The following MROH6 variants were observed in gnomAD, a reference collection of about 807,000 sequenced individuals.
MROH6 encodes maestro heat-like repeat-containing protein family member 6.
In MROH6, 62 loss-of-function variants were observed where a neutral mutation model predicts 67.7. The ratio of observed to expected loss-of-function variants is 0.92; its 90% CI spans 0.75 to 1.13. The LOEUF (loss-of-function observed/expected upper bound fraction) is 1.13, where lower values mean the gene tolerates loss of function less well. Among genes scored for constraint, MROH6 ranks in the 50% most tolerant of loss-of-function variants. The pLI, the probability that MROH6 is intolerant of heterozygous loss-of-function variation, is 0.00. For synonymous variants in MROH6, 566 were observed against 470.8 expected, an observed-to-expected ratio of 1.20 and a Z score of -2.62; for missense variants, 1,175 against 1,029.1, an observed-to-expected ratio of 1.14 and a Z score of -1.94.
Position 143,572,104 on chromosome 8 carries a change from C to A in MROH6, c.376G>T (p.Ala126Ser). Residue 126 changes from alanine (A) to serine (S), a missense_variant, in exon 2 of 14, where the codon GCA becomes TCA. Physicochemically the swap from Ala to Ser is moderately conservative, Grantham distance 99. Coordinates refer to ENST00000398882, the MANE Select transcript of MROH6 (RefSeq NM_001100878.2). ...GTGAGCACTGTCGCCTGGGTCCCTG[C>A]AAAGCCAGCCTCCTCCAGGCAGGCA... ...TAACLEEAGF[A>S]GTQATVLTLS... is the part of the protein sequence containing the mutation. The A allele has an allele frequency of 6.2e-7, 1 of 1,612,984 alleles. No individual in the cohort carries two copies. Among genetic ancestry groups the A allele is most frequent in the Non-Finnish European group, 8.5e-7 (1 of 1,179,846 alleles).
rs962403673 is a variant in MROH6 at position 143,567,202 on chromosome 8, G to A, written c.*37C>T. 3.4e-6 allele frequency: 4 copies of A among 1,169,240 alleles called. No homozygotes were observed. The highest frequency in any genetic ancestry group is 4.3e-5 in the South Asian group (1 of 23,176). 72.4% of individuals were successfully genotyped at this position (1,169,240 alleles called of 1,614,324 possible). A position where few individuals can be genotyped will look rare whatever the true frequency, so the allele number is the denominator to read the frequency against. ...AGGCTGCTATGCGCGTGGGGTGCCC[G>A]AGTCGGACCCTGGCCCTCGGGCCCC... On this transcript the variant is annotated 3_prime_UTR_variant, in exon 14 of 14. Transcript: ENST00000398882.
At position 143,570,469 on chromosome 8, in the gene MROH6, T is replaced by C. The variant is rs753370758; in HGVS notation, c.905+4A>G. ...GCCCCACGTAACCTGGTGTTGCCTC[T>C]CACCTGGCATGGCTATGTGGTGGCC... On this transcript the variant is annotated splice_donor_region_variant and intron_variant, in intron 5 of 13. Transcript: ENST00000398882. 7.5e-6 allele frequency: 12 copies of C among 1,610,088 alleles called. No homozygotes were observed. The highest frequency in any genetic ancestry group is 1.0e-5 in the Non-Finnish European group (12 of 1,177,640).
intron 10 of MROH6, 112 bp from the exon 11 acceptor site, chr8:143,568,373 A>G: frequency 6.8e-7 from 1 of 1,463,700 alleles, no homozygotes; most frequent in Non-Finnish European, 9.1e-7. Flanking sequence ...AGCCCAGGGC[A>G]GGAGACTGGA....
At position 143,566,443 on chromosome 8, in the gene MROH6, G is replaced by C. The variant is rs1486524455; in HGVS notation, c.*796C>G. 6.6e-6 allele frequency: 1 copy of C among 152,278 alleles called. No individual in the cohort carries two copies. Among genetic ancestry groups the C allele is most frequent in the East Asian group, 1.9e-4 (1 of 5,198 alleles). 9.4% of individuals were successfully genotyped at this position (152,278 alleles called of 1,614,324 possible). A position where few individuals can be genotyped will look rare whatever the true frequency, so the allele number is the denominator to read the frequency against. On this transcript the variant is annotated 3_prime_UTR_variant, in exon 14 of 14. Transcript: ENST00000398882. The stretch of plus-strand genomic sequence containing the variant: ...GGGACCTGCCGCCCAAAGCCAGAGA[G>C]GTGAGGTCACAGCATCAGTAGCTCC...
At position 143,569,729 on chromosome 8, in the gene MROH6, C is replaced by T. The variant is rs1171823803; in HGVS notation, c.1270G>A (p.Gly424Ser). The T allele has an allele frequency of 1.9e-6, 3 of 1,613,072 alleles. No individual in the cohort carries two copies. The highest frequency in any genetic ancestry group is 2.2e-5 in the South Asian group (2 of 91,088). Residue 424 changes from glycine (G) to serine (S), a missense_variant, in exon 8 of 14, where the codon GGC becomes AGC. Physicochemically the swap from Gly to Ser is moderately conservative, Grantham distance 56. Coordinates refer to ENST00000398882, the MANE Select transcript of MROH6 (RefSeq NM_001100878.2). Reference sequence around the variant, plus strand: ...CGATTCAGCGCGAGGTGGCCCAGGCCCAGCAGGCCCAACCAGCGCACAGTG... The same window carrying T: ...CGATTCAGCGCGAGGTGGCCCAGGCTCAGCAGGCCCAACCAGCGCACAGTG... ...EPTVRWLGLL[G>S]LGHLALNRRK...
chr8:143,567,413 G>T lies in MROH6; in HGVS notation c.1986C>A (p.His662Gln). 1.5e-6 allele frequency: 2 copies of T among 1,312,490 alleles called. No homozygotes were observed. Among genetic ancestry groups the T allele is most frequent in the South Asian group, 2.1e-5 (1 of 47,362 alleles). The allele number at this position is 1,312,490 out of a possible 1,614,324, so 81.3% of individuals were successfully genotyped here. ...DPKPAVAAAA[H>Q]VSAQQVAMLA... is the part of the protein sequence containing the mutation. ...GCATCGCCACCTGCTGAGCGGACAC[G>T]TGCGCTGCCGCGGCCACAGCCGGCT... The change falls in exon 14 of 14, where the codon CAC (histidine) becomes CAA (glutamine). Residue 662 changes from histidine (H) to glutamine (Q), a missense_variant. Physicochemically the swap from His to Gln is conservative, Grantham distance 24. Coordinates refer to ENST00000398882, the MANE Select transcript of MROH6 (RefSeq NM_001100878.2).
chr8:143,569,768 C>T lies in MROH6; in HGVS notation c.1231G>A (p.Gly411Arg). ...VILERLLTWQ[G>R]DPEPTVRWLG... ...CAGCGCACAGTGGGTTCGGGGTCTCCCTGCCAGGTGAGGAGTCGCTCCAGG... is the reference window on the plus strand; with the variant it reads ...CAGCGCACAGTGGGTTCGGGGTCTCTCTGCCAGGTGAGGAGTCGCTCCAGG... The change falls in exon 8 of 14, where the codon GGA (glycine) becomes AGA (arginine). Residue 411 changes from glycine to arginine, a missense_variant. Coordinates refer to ENST00000398882, the MANE Select transcript of MROH6 (RefSeq NM_001100878.2). The T allele has an allele frequency of 6.2e-7, 1 of 1,612,984 alleles. No homozygotes were observed. Among genetic ancestry groups the T allele is most frequent in the East Asian group, 2.2e-5 (1 of 44,870 alleles).
At position 143,572,116 on chromosome 8, in the gene MROH6, C is replaced by T. The variant is rs1824086023; in HGVS notation, c.364G>A (p.Glu122Lys). The T allele has an allele frequency of 1.2e-6, 2 of 1,612,926 alleles. No homozygotes were observed. Among genetic ancestry groups the T allele is most frequent in the Admixed American group, 1.7e-5 (1 of 59,994 alleles). ...LALYTAACLE[E>K]AGFAGTQATV... is the part of the protein sequence containing the mutation. ...GCCTGGGTCCCTGCAAAGCCAGCCTCCTCCAGGCAGGCAGCCGTGTACAAC... is the reference window on the plus strand; with the variant it reads ...GCCTGGGTCCCTGCAAAGCCAGCCTTCTCCAGGCAGGCAGCCGTGTACAAC... Residue 122 changes from glutamate (E) to lysine (K), a missense_variant, in exon 2 of 14, where the codon GAG becomes AAG. Coordinates refer to ENST00000398882, the MANE Select transcript of MROH6 (RefSeq NM_001100878.2).
chr8:143,569,314 G>GGGGCGGGGCCTGAGA (rs1229998306), intron 9 of MROH6, 127 bp downstream of exon 9: 5 of 576,728 alleles, frequency 8.7e-6, no homozygotes, highest in South Asian at 2.5e-5. Flanking sequence ...CTGGAAGGGC[G>GGGGCGGGGCCTGAGA]GGGCGGGGCC....
Position 143,570,007 on chromosome 8 carries a change from G to C in MROH6, c.1102C>G (p.Arg368Gly). 6.2e-7 allele frequency: 1 copy of C among 1,609,876 alleles called. No homozygotes were observed. Among genetic ancestry groups the C allele is most frequent in the Non-Finnish European group, 8.5e-7 (1 of 1,179,828 alleles). Residue 368 changes from arginine to glycine, a missense_variant, in exon 7 of 14, where the codon CGG becomes GGG. Physicochemically the swap from Arg to Gly is moderately radical, Grantham distance 125. Transcript: ENST00000398882. ...LRGLFADLLP[R>G]LRSADDPQRL... is the part of the protein sequence containing the mutation. ...TGCGGGTCGTCCGCGCTGCGAAGCC[G>C]AGGGAGCAAGTCTGCGAAGAGGCCT...
At position 143,568,277 on chromosome 8, in the gene MROH6, T is replaced by G; in HGVS notation, c.1645-16A>C. On this transcript the variant is annotated splice_polypyrimidine_tract_variant and intron_variant, in intron 10 of 13. Transcript: ENST00000398882. ...ACTCTGAGCTCTGGGATAGGGGAAG[T>G]GAGCCGGGTCAGGGGTCCAGGAAGT... 1 of 1,598,544 alleles carries G rather than the reference T, an allele frequency of 6.3e-7. No individual in the cohort carries two copies. The highest frequency in any genetic ancestry group is 8.5e-7 in the Non-Finnish European group (1 of 1,172,984).
intron 4 of MROH6, 24 bp downstream of exon 4, chr8:143,570,853 C>CCCCGGG: frequency 6.8e-7 from 1 of 1,479,330 alleles, no homozygotes; most frequent in Non-Finnish European, 9.1e-7. Flanking sequence ...CCCCCACCCC[C>CCCCGGG]TGGTAATGGC....
chr8:143,570,400 G>A lies in MROH6; in HGVS notation c.906-20C>T, dbSNP rs1462693783. The A allele has an allele frequency of 2.5e-6, 4 of 1,601,898 alleles. No individual in the cohort carries two copies. The highest frequency in any genetic ancestry group is 2.2e-5 in the South Asian group (2 of 90,114). Reference sequence around the variant, plus strand: ...GCACAGCTGGTGGTGGGGACAGTGAGCAGGTGGGCAGTGGGAGCTGAGAGG... The same window carrying A: ...GCACAGCTGGTGGTGGGGACAGTGAACAGGTGGGCAGTGGGAGCTGAGAGG... On this transcript the variant is annotated intron_variant, in intron 5 of 13. Transcript: ENST00000398882.
Position 143,567,671 on chromosome 8 carries a change from G to A in MROH6, c.1873C>T (p.Leu625Phe), listed in dbSNP as rs769775200. 6.3e-7 allele frequency: 1 copy of A among 1,578,320 alleles called. No homozygotes were observed. The highest frequency in any genetic ancestry group is 8.6e-7 in the Non-Finnish European group (1 of 1,162,950). Residue 625 changes from leucine to phenylalanine, a missense_variant, in exon 13 of 14, where the codon CTT (leucine) becomes TTT (phenylalanine). Coordinates refer to ENST00000398882, the MANE Select transcript of MROH6 (RefSeq NM_001100878.2). ...CAGCCGGGGCTGGCGTGGTGGACAA[G>A]GAAGCCTGGACCACAGCAGATGCAT... ...RRAAAVLIGF[L>F]VHHASPGCVN...
At position 143,571,804 on chromosome 8, in the gene MROH6, A is replaced by G; in HGVS notation, c.465T>C (p.Arg155=). 6.5e-7 allele frequency: 1 copy of G among 1,547,716 alleles called. No homozygotes were observed. Residue 155 remains arginine, a synonymous_variant, in exon 3 of 14, where the codon CGT becomes CGC. Coordinates refer to ENST00000398882, the MANE Select transcript of MROH6 (RefSeq NM_001100878.2). ...GGCTGGGCACCTGCGCCAGCAGCCC[A>G]CGCACCAGAGCATGCACCTGGTGGG... ...RLEDQVHALV[R]GLLAQVPSLA... is the part of the protein sequence containing the mutation.
rs1823667119 is a variant in MROH6, at chr8:143,567,306, GCGAAGACTGGTGGGGGC to G, written c.2076_2092del (p.Pro693ArgfsTer41). On this transcript the variant is annotated frameshift_variant, in exon 14 of 14. Transcript: ENST00000398882. LOFTEE classifies it low-confidence loss of function (END_TRUNC). ...GCTCCGGCGCTGGAAGGGGCTGTCG[GCGAAGACTGGTGGGGGC>G]CGGGCGGGGCGCGGGGCGATGCGGA... 8.2e-7 allele frequency: 1 copy of G among 1,221,238 alleles called. No homozygotes were observed. Among genetic ancestry groups the G allele is most frequent in the Non-Finnish European group, 1.0e-6 (1 of 981,202 alleles). The allele number at this position is 1,221,238 out of a possible 1,614,324, so 75.7% of individuals were successfully genotyped here. A position where few individuals can be genotyped will look rare whatever the true frequency, so the allele number is the denominator to read the frequency against.
chr8:143,571,858 T>C, intron 2 of MROH6, 37 bp from the exon 3 acceptor site: 1 of 1,521,298 alleles, frequency 6.6e-7, no homozygotes. Flanking sequence ...CAGTCAGGCC[T>C]CCTCCACCGT....
rs1049846953 is a variant in MROH6, at chr8:143,571,093, C to T, written c.603-99G>A. On this transcript the variant is annotated intron_variant, in intron 3 of 13. Transcript: ENST00000398882. ...AGGGTGGAGGCAGCCAGTAGGACTC[C>T]AGCAGGGGAGGGGCAGGAAACCCCT... The T allele has an allele frequency of 4.4e-6, 4 of 918,388 alleles. No individual in the cohort carries two copies. The South Asian group carries it at 4.6e-5, about 11-fold the overall frequency. 56.9% of individuals were successfully genotyped at this position (918,388 alleles called of 1,614,324 possible).
chr8:143,570,976 C>A lies in MROH6; in HGVS notation c.621G>T (p.Trp207Cys), dbSNP rs1824000613. Residue 207 changes from tryptophan to cysteine, a missense_variant, in exon 4 of 14, where the codon TGG becomes TGT. Physicochemically the swap from Trp to Cys is radical, Grantham distance 215. Transcript: ENST00000398882. ...CACGCTGGTTACGGCTTAGGCTGCG[C>A]CAGAGCTCGGCTGCTACCCTGAGGG... ...LPADRVAAEL[W>C]RSLSRNQRVN... 1.9e-6 allele frequency: 3 copies of A among 1,548,914 alleles called. No homozygotes were observed. The highest frequency in any genetic ancestry group is 2.6e-6 in the Non-Finnish European group (3 of 1,146,926).
Sources: allele counts gnomAD v4.1 joint callset, GRCh38; gene constraint gnomAD v4.1.1; transcripts MANE v1.5; gene names NCBI Gene and HGNC (gene_info 2026-07-23, HGNC 2026-07-21).